TCF3: variants seen among roughly 807,000 people sequenced by gnomAD.
TCF3 encodes transcription factor 3.
In TCF3, 54 loss-of-function variants were observed where a neutral mutation model predicts 72.3. The observed-to-expected ratio is 0.75, with a 90% confidence interval of 0.60 to 0.94. The LOEUF is 0.94. Ranked by LOEUF, TCF3 falls within the 40% of genes least tolerant of loss-of-function variation. The pLI, the probability that TCF3 is intolerant of heterozygous loss-of-function variation, is 0.00. For synonymous variants in TCF3, 525 were observed against 412.6 expected (o/e 1.27, Z -3.30); for missense variants, 1,078 against 934.4 (o/e 1.15, Z -2.00).
intron 3 of TCF3, among the ~76,000 whole-genome samples, chr19:1,634,563 G>A (rs372547347): frequency 1.1e-4 from 17 of 152,236 alleles, no homozygotes; most frequent in African/African-American, 4.1e-4. Context: ...AATGAAAGAT[G>A]CTGCTTCAGA....
rs1216993101 is a variant in TCF3 at position 1,650,280 on chromosome 19, T to G, written c.-32A>C. 1 of 1,545,720 alleles carries G rather than the reference T, an allele frequency of 6.5e-7. No individual in the cohort carries two copies. Among genetic ancestry groups the G allele is most frequent in the Admixed American group, 2.0e-5 (1 of 50,822 alleles). On this transcript the variant is annotated 5_prime_UTR_variant, in exon 2 of 19. Coordinates refer to ENST00000262965, the MANE Select transcript of TCF3 (RefSeq NM_003200.5). ...GGGGCCAGGGCGGGCACCTCAGGCC[T>G]GGAAACCCTGCTTGGTGGATGTGGG... is the stretch of plus-strand genomic sequence containing the variant.
chr19:1,648,437 G>A (rs1184056250), intron 2 of TCF3, among the ~76,000 whole-genome samples: 4 of 152,196 alleles, frequency 2.6e-5, no homozygotes, highest in Non-Finnish European at 5.9e-5. Flanking sequence ...GGGATGGGGA[G>A]ACGTGCTGAG....
At position 1,613,679 on chromosome 19, in the gene TCF3, G is replaced by A. The variant is rs530670434; in HGVS notation, c.1822+1606C>T. 5.3e-5 allele frequency among the ~76,000 whole-genome samples: 8 copies of A among 152,232 alleles called. No individual in the cohort carries two copies. The East Asian group carries it at 1.5e-3, about 29-fold the overall frequency. On this transcript the variant is annotated intron_variant, in intron 18 of 18. Transcript: ENST00000262965. ...TGGGGAGTCCAGGACTCAAATCAGG[G>A]CTCACATGGAGCAAACCAGCTCCCA...
chr19:1,612,488 G>T, intron 18 of TCF3: 1 of 1,331,348 alleles, frequency 7.5e-7, no homozygotes, highest in Non-Finnish European at 1.1e-6. Flanking sequence ...GGGTGGGAGG[G>T]CAGGGCTGGG....
chr19:1,621,232 G>A (rs1452072058), intron 11 of TCF3, 41 bp from the exon 12 acceptor site: 5 of 1,523,984 alleles, frequency 3.3e-6, no homozygotes, highest in Non-Finnish European at 4.4e-6. Flanking sequence ...GCCCGGCCTG[G>A]GTGCTGCCGC....
At chr19:1,634,702 G>C (rs1441758084) in intron 3 of TCF3, among the ~76,000 whole-genome samples, 3 of 152,212 alleles carry the variant, frequency 2.0e-5, no homozygotes, top group Non-Finnish European at 2.9e-5. Context: ...GGGAGAGGGA[G>C]GCTTCAAAAG....
At chr19:1,627,273 C>A in intron 6 of TCF3, 86 bp downstream of exon 6, 2 of 1,114,958 alleles carry the variant, frequency 1.8e-6, no homozygotes, top group Non-Finnish European at 2.5e-6. Flanking sequence ...CCTAGCTAAG[C>A]CAGGAGAGCT....
At chr19:1,650,761 G>A (rs985743268) in intron 1 of TCF3, 4 of 231,544 alleles carry the variant, frequency 1.7e-5, no homozygotes, top group Non-Finnish European at 2.6e-5. Context: ...CCCAGCAGAT[G>A]GCACAGCCCG....
At chr19:1,625,925 G>C (rs1328984085) in intron 6 of TCF3, among the ~76,000 whole-genome samples, 1 of 152,218 alleles carries the variant, frequency 6.6e-6, no homozygotes, top group African/African-American at 2.4e-5. Context: ...AAGAACGAAA[G>C]ACTGAGAAAC....
In TCF3 at chr19:1,623,756, G is replaced by T. The variant is rs114732557; in HGVS notation, c.549+195C>A. 3.0e-3 allele frequency among the ~76,000 whole-genome samples: 454 copies of T among 152,280 alleles called. 4 individuals carry two copies. Among genetic ancestry groups the T allele is most frequent in the African/African-American group, 0.01 (433 of 41,534 alleles). On this transcript the variant is annotated intron_variant, in intron 8 of 18. Transcript: ENST00000262965. ...TCTCAAAACAAGACAGACAGAGGCT[G>T]GACCTAGGGAAGGACTTCCCCGCCT...
chr19:1,648,938 C>T (rs1057311570), intron 2 of TCF3, among the ~76,000 whole-genome samples: 1 of 152,122 alleles, frequency 6.6e-6, no homozygotes, highest in Non-Finnish European at 1.5e-5. Flanking sequence ...GCAGGCAAAC[C>T]GAGGCCCCGG....
intron 5 of TCF3, among the ~76,000 whole-genome samples, chr19:1,630,460 C>T (rs942153779): frequency 2.6e-5 from 4 of 152,326 alleles, no homozygotes; most frequent in South Asian, 4.1e-4. Context: ...CCCAAACAGG[C>T]GCTGCCCCTC....
At chr19:1,623,888 G>T in intron 8 of TCF3, 63 bp downstream of exon 8, 1 of 1,554,878 alleles carries the variant, frequency 6.4e-7, no homozygotes, top group East Asian at 2.3e-5. Flanking sequence ...AGCTTCGCCA[G>T]GACACAGGGC....
rs542140189 is a variant in TCF3, at chr19:1,623,870, T to TGTTC, written c.549+77_549+80dup. 1.1e-4 allele frequency: 159 copies of TGTTC among 1,458,438 alleles called. 1 individual carries two copies. The South Asian group carries it at 1.8e-3, about 16-fold the overall frequency. 90.3% of individuals were successfully genotyped at this position (1,458,438 alleles called of 1,614,324 possible). A position where few individuals can be genotyped will look rare whatever the true frequency, so the allele number is the denominator to read the frequency against. ...CACTCAGGGCCCACCCCGCCATGTG[T>TGTTC]GTTCCCAAGCTTCGCCAGGACACAG... On this transcript the variant is annotated intron_variant, in intron 8 of 18. Transcript: ENST00000262965.
rs190947326 is a variant in TCF3, at chr19:1,620,884, G to A, written c.1093+84C>T. ...CACCAGAACCAGCCTCCCCTCCCCC[G>A]CAAAGCCTTCACAGACCTCAGCCTC... On this transcript the variant is annotated intron_variant, in intron 13 of 18. Transcript: ENST00000262965. 681 of 1,249,194 alleles carry A rather than the reference G, an allele frequency of 5.5e-4. 1 individual carries two copies. The highest frequency in any genetic ancestry group is 1.4e-3 in the South Asian group (66 of 48,334). 77.4% of individuals were successfully genotyped at this position (1,249,194 alleles called of 1,614,324 possible).
In TCF3 at chr19:1,615,824, G is replaced by C; in HGVS notation, c.1451-3C>G. 1 of 1,552,476 alleles carries C rather than the reference G, an allele frequency of 6.4e-7. No homozygotes were observed. Among genetic ancestry groups the C allele is most frequent in the Non-Finnish European group, 8.7e-7 (1 of 1,146,330 alleles). ...CGTGGCACCTGCTCGCCCTAGCCCT[G>C]CAACAGGCCTAGGGTCAGGGGCCTG... On this transcript the variant is annotated splice_region_variant and splice_polypyrimidine_tract_variant and intron_variant, in intron 16 of 18. Coordinates refer to ENST00000262965, the MANE Select transcript of TCF3 (RefSeq NM_003200.5). This position sits in a 1 kb window ranked among gnomAD's most constrained non-coding sequence, Gnocchi z 7.3.
At chr19:1,646,856 G>A (rs1266515651) in intron 2 of TCF3, among the ~76,000 whole-genome samples, 1 of 152,250 alleles carries the variant, frequency 6.6e-6, no homozygotes, top group African/African-American at 2.4e-5. Flanking sequence ...AGGTGGACAT[G>A]TGGAGAGTCC....
Position 1,614,662 on chromosome 19 carries a change from A to C in TCF3, c.1822+623T>G, listed in dbSNP as rs1300749228. ...CGGGGTGCAGGCGAGGAAAGGAAGG[A>C]GTTAAGGAAGCAGCCGCCAGCGCCA... On this transcript the variant is annotated intron_variant, in intron 18 of 18. Coordinates refer to ENST00000262965, the MANE Select transcript of TCF3 (RefSeq NM_003200.5). The surrounding 1 kb of genome is among the most constrained non-coding windows in gnomAD (Gnocchi z 5.6). Among the ~76,000 whole-genome samples, 2 of 152,034 alleles carry C rather than the reference A, an allele frequency of 1.3e-5. No homozygotes were observed. The highest frequency in any genetic ancestry group is 4.8e-5 in the African/African-American group (2 of 41,378).
At chr19:1,637,448 C>T (rs1033988094) in intron 3 of TCF3, among the ~76,000 whole-genome samples, 6 of 152,204 alleles carry the variant, frequency 3.9e-5, no homozygotes, top group African/African-American at 1.4e-4. Flanking sequence ...GAGTGGGCAT[C>T]GAGCACAGAT....
Sources: gnomAD v4.1 joint callset for allele counts (sites outside exome capture counted in the v4.1 genomes callset) on GRCh38, gnomAD v4.1.1 for gene constraint, Gnocchi (gnomAD v3.1) non-coding constraint, MANE v1.5 for transcripts, NCBI Gene and HGNC (gene_info 2026-07-23, HGNC 2026-07-21) for gene names.